OCA2: variants seen among roughly 807,000 people sequenced by gnomAD.
OCA2 encodes P protein.
In OCA2, 77 loss-of-function variants were observed where a neutral mutation model predicts 100.2. That is an observed-to-expected ratio of 0.77 (90% CI 0.64 to 0.93). OCA2 has a LOEUF of 0.93. OCA2 is among the 40% of genes least tolerant of loss of function. The pLI is 0.00. For synonymous variants in OCA2, 432 were observed against 439.2 expected (o/e 0.98, Z 0.21); for missense variants, 1,062 against 1,089.1 (o/e 0.98, Z 0.35).
At chr15:28,042,365 G>A (rs1439535629) in intron 2 of OCA2, among the ~76,000 whole-genome samples, 4 of 151,576 alleles carry the variant, frequency 2.6e-5, no homozygotes, top group Admixed American at 6.6e-5. Flanking sequence ...GGTGGCTCAC[G>A]CCTGTAATCC....
chr15:27,833,209 T>C (rs907403602), intron 23 of OCA2, among the ~76,000 whole-genome samples: 5 of 152,230 alleles, frequency 3.3e-5, no homozygotes, highest in Non-Finnish European at 5.9e-5. Flanking sequence ...AAAAGTTTTA[T>C]CTTATTGTTT....
intron 14 of OCA2, among the ~76,000 whole-genome samples, chr15:27,982,070 G>GT (rs1038352759): frequency 3.4e-4 from 52 of 151,070 alleles, no homozygotes; most frequent in Admixed American, 3.3e-4. Context: ...GTTTATTTTT[G>GT]TTTTGTTTGA....
intron 19 of OCA2, among the ~76,000 whole-genome samples, chr15:27,884,378 A>G (rs1009020966): frequency 6.6e-5 from 10 of 152,210 alleles, no homozygotes; most frequent in Admixed American, 1.3e-4. Context: ...CTGTTTCAAA[A>G]TAAATAAATA....
intron 23 of OCA2, among the ~76,000 whole-genome samples, chr15:27,806,576 G>A (rs1371052837): frequency 1.3e-5 from 2 of 152,212 alleles, no homozygotes; most frequent in Admixed American, 6.5e-5. Flanking sequence ...TAGCGGCCCC[G>A]CTCCACCCGT....
At chr15:28,019,785 C>T (rs1357458083) in intron 6 of OCA2, among the ~76,000 whole-genome samples, 1 of 152,134 alleles carries the variant, frequency 6.6e-6, no homozygotes, top group Non-Finnish European at 1.5e-5. Flanking sequence ...TACTGCACGC[C>T]CTTTCTCAGG....
At chr15:27,782,581 C>T (rs968724153) in intron 23 of OCA2, among the ~76,000 whole-genome samples, 3 of 152,142 alleles carry the variant, frequency 2.0e-5, no homozygotes, top group African/African-American at 7.2e-5. Context: ...ATAAAGAATG[C>T]CCCCTCAAAA....
chr15:27,949,927 C>T (rs550462313), intron 18 of OCA2, among the ~76,000 whole-genome samples: 1 of 152,214 alleles, frequency 6.6e-6, no homozygotes, highest in South Asian at 2.1e-4. Flanking sequence ...ATCACCTGAA[C>T]ACAAGCCCTA....
At chr15:28,006,548 CAA>C (rs150605631) in intron 9 of OCA2, among the ~76,000 whole-genome samples, 1 of 152,234 alleles carries the variant, frequency 6.6e-6, no homozygotes, top group Non-Finnish European at 1.5e-5. Flanking sequence ...CCTTCAACTG[CAA>C]AAGTGTCTCT....
intron 1 of OCA2, among the ~76,000 whole-genome samples, chr15:28,093,771 A>C (rs1030357647): frequency 1.3e-5 from 2 of 152,202 alleles, no homozygotes; most frequent in East Asian, 3.9e-4. Flanking sequence ...CAAAAGGAAC[A>C]GACAATTCAT....
In OCA2 at chr15:27,940,546, AG is replaced by A. The variant is rs901826852; in HGVS notation, c.1951+11237del. ...CTGTCCAGCAGGGACCCTACTGACC[AG>A]CACTAAAGATGTCACCAAGAAAAAG... On this transcript the variant is annotated intron_variant, in intron 18 of 23. Coordinates refer to ENST00000354638, the MANE Select transcript of OCA2 (RefSeq NM_000275.3). Among the ~76,000 whole-genome samples, 283 of 152,290 alleles carry A rather than the reference AG, an allele frequency of 1.9e-3. 1 individual carries two copies. The highest frequency in any genetic ancestry group is 6.6e-3 in the African/African-American group (276 of 41,594).
chr15:28,060,179 T>C (rs1483231648), intron 2 of OCA2, among the ~76,000 whole-genome samples: 2 of 152,086 alleles, frequency 1.3e-5, no homozygotes, highest in Non-Finnish European at 2.9e-5. Flanking sequence ...AGGTGGGAAG[T>C]GTAGGTCCCC....
At chr15:27,933,252 T>C (rs1196006553) in intron 18 of OCA2, among the ~76,000 whole-genome samples, 4 of 151,566 alleles carry the variant, frequency 2.6e-5, no homozygotes, top group Admixed American at 2.0e-4. Context: ...AAATATTCAG[T>C]ATATTGGACT....
chr15:28,094,954 G>A (rs2044945021), intron 1 of OCA2, among the ~76,000 whole-genome samples: 1 of 152,254 alleles, frequency 6.6e-6, no homozygotes, highest in Non-Finnish European at 1.5e-5. Flanking sequence ...CCGGGAAGGG[G>A]ACGGCGTTCC....
the OCA2 span, among the ~76,000 whole-genome samples, chr15:27,744,934 C>T: frequency 8.3e-6 from 1 of 120,548 alleles, no homozygotes; most frequent in African/African-American, 2.7e-5. Context: ...ACAGAGCAGA[C>T]CCTTTGTAGC....
chr15:28,047,350 A>G (rs2043376760), intron 2 of OCA2, among the ~76,000 whole-genome samples: 1 of 152,200 alleles, frequency 6.6e-6, no homozygotes, highest in Non-Finnish European at 1.5e-5. Context: ...TATGAGAAAC[A>G]CTGGCATAGA....
downstream of OCA2, among the ~76,000 whole-genome samples, chr15:27,754,379 A>G (rs1325864193): frequency 6.6e-6 from 1 of 152,226 alleles, no homozygotes; most frequent in Non-Finnish European, 1.5e-5. Context: ...TTTTGAAGTC[A>G]GACGCTTGAC....
At chr15:28,030,330 A>G (rs1273243512) in intron 3 of OCA2, among the ~76,000 whole-genome samples, 1 of 152,096 alleles carries the variant, frequency 6.6e-6, no homozygotes, top group African/African-American at 2.4e-5. Flanking sequence ...AAGTAAGGGC[A>G]TGAATGTAGT....
chr15:27,940,319 A>G (rs2039602875), intron 18 of OCA2, among the ~76,000 whole-genome samples: 1 of 152,158 alleles, frequency 6.6e-6, no homozygotes, highest in Admixed American at 6.5e-5. Context: ...TCTTCTCCCT[A>G]CTGGACCCCC....
chr15:27,826,047 G>A (rs1457073355), intron 23 of OCA2, among the ~76,000 whole-genome samples: 1 of 152,194 alleles, frequency 6.6e-6, no homozygotes, highest in Non-Finnish European at 1.5e-5. Context: ...AACTGAGCAA[G>A]TAAATACAAG....
Sources: gnomAD v4.1 joint callset for allele counts (sites outside exome capture counted in the v4.1 genomes callset) on GRCh38, gnomAD v4.1.1 for gene constraint, MANE v1.5 for transcripts, NCBI Gene and HGNC (gene_info 2026-07-23, HGNC 2026-07-21) for gene names.